IGF1R: variants seen among roughly 807,000 people sequenced by gnomAD.
The protein encoded by IGF1R is insulin-like growth factor 1 receptor.
A neutral mutation model predicts 144.6 loss-of-function variants in IGF1R; 44 were observed. That is an observed-to-expected ratio of 0.30 (90% CI 0.24 to 0.39). The LOEUF is 0.39. Ranked by LOEUF, IGF1R falls within the 10% of genes least tolerant of loss-of-function variation. The pLI, the probability that IGF1R is intolerant of heterozygous loss-of-function variation, is 1.00. For missense variants in IGF1R, 1,355 were observed against 1,833.7 expected (o/e 0.74, Z 4.77); for synonymous variants, 795 against 722.8 (o/e 1.10, Z -1.60).
In IGF1R at chr15:98,957,457, A is replaced by C; in HGVS notation, c.*15A>C. On this transcript the variant is annotated 3_prime_UTR_variant, in exon 21 of 21. Transcript: ENST00000650285. The stretch of plus-strand genomic sequence containing the variant: ...CGACCTGCTGATCCTTGGATCCTGA[A>C]TCTGTGCAAACAGTAACGTGTGCGC... 1 of 1,612,564 alleles carries C rather than the reference A, an allele frequency of 6.2e-7. No individual in the cohort carries two copies. Among genetic ancestry groups the C allele is most frequent in the Non-Finnish European group, 8.5e-7 (1 of 1,179,944 alleles).
At chr15:98,810,840 G>A (rs1365150561) in intron 2 of IGF1R, among the ~76,000 whole-genome samples, 2 of 151,298 alleles carry the variant, frequency 1.3e-5, no homozygotes, top group African/African-American at 4.9e-5. Context: ...GAGCCACCAC[G>A]CCCAGCCTCT....
chr15:98,665,198 A>T (rs1031402179), intron 1 of IGF1R, among the ~76,000 whole-genome samples: 2 of 152,012 alleles, frequency 1.3e-5, no homozygotes, highest in Non-Finnish European at 2.9e-5. Context: ...TGATCCGCCC[A>T]CCTCGGCCTC....
chr15:98,814,859 GGAA>G (rs2141465483), intron 2 of IGF1R, among the ~76,000 whole-genome samples: 1 of 152,264 alleles, frequency 6.6e-6, no homozygotes, highest in Non-Finnish European at 1.5e-5. Context: ...ACTGGAAACA[GGAA>G]GAAGACTTGC....
intron 2 of IGF1R, among the ~76,000 whole-genome samples, chr15:98,721,423 T>TA (rs2054243708): frequency 6.6e-6 from 1 of 152,214 alleles, no homozygotes; most frequent in South Asian, 2.1e-4. Flanking sequence ...GTGGAGGAGA[T>TA]ACTCTGTAAA....
intron 2 of IGF1R, chr15:98,880,612 T>C (rs556889821): frequency 1.3e-5 from 2 of 152,262 alleles, no homozygotes; most frequent in African/African-American, 2.4e-5. Context: ...GGGGATGGCA[T>C]AGAACTAAGT....
intron 2 of IGF1R, among the ~76,000 whole-genome samples, chr15:98,860,253 G>T (rs949640722): frequency 2.0e-5 from 3 of 152,250 alleles, no homozygotes; most frequent in Non-Finnish European, 2.9e-5. Flanking sequence ...AATAAGTCAT[G>T]ATTTTCGGAG....
chr15:98,957,463 G>GCAAA lies in IGF1R; in HGVS notation c.*24_*27dup, dbSNP rs1298784882. Reference sequence around the variant, plus strand: ...GCTGATCCTTGGATCCTGAATCTGTGCAAACAGTAACGTGTGCGCACGCGC... The same window carrying GCAAA: ...GCTGATCCTTGGATCCTGAATCTGTGCAAACAAACAGTAACGTGTGCGCACGCGC... On this transcript the variant is annotated 3_prime_UTR_variant, in exon 21 of 21. Transcript: ENST00000650285. 1 of 1,612,458 alleles carries GCAAA rather than the reference G, an allele frequency of 6.2e-7. No homozygotes were observed.
At chr15:98,922,117 C>G (rs750607538) in intron 10 of IGF1R, 31 bp from the exon 11 acceptor site, 1 of 1,613,650 alleles carries the variant, frequency 6.2e-7, no homozygotes, top group East Asian at 2.2e-5. Flanking sequence ...GGTAAAAGTA[C>G]TTAAAAGCCA....
At chr15:98,702,664 G>T (rs1364166093) in intron 1 of IGF1R, among the ~76,000 whole-genome samples, 1 of 152,192 alleles carries the variant, frequency 6.6e-6, no homozygotes, top group South Asian at 2.1e-4. Context: ...TTTTGGCCAG[G>T]TGTGGTGGTA....
At chr15:98,726,335 C>T (rs1320747835) in intron 2 of IGF1R, among the ~76,000 whole-genome samples, 1 of 152,230 alleles carries the variant, frequency 6.6e-6, no homozygotes, top group Admixed American at 6.5e-5. Flanking sequence ...CTGCTGAACA[C>T]ACACCCAGGG....
chr15:98,671,045 C>T (rs1160872466), intron 1 of IGF1R, among the ~76,000 whole-genome samples: 2 of 152,162 alleles, frequency 1.3e-5, no homozygotes, highest in Non-Finnish European at 2.9e-5. Flanking sequence ...ATAGTAGACT[C>T]CTGTGTGCGG....
At chr15:98,920,182 A>G (rs1232704957) in intron 10 of IGF1R, among the ~76,000 whole-genome samples, 2 of 152,212 alleles carry the variant, frequency 1.3e-5, no homozygotes, top group African/African-American at 2.4e-5. Context: ...GAAAGTTGGC[A>G]GTAATGTTTG....
At chr15:98,910,731 C>G (rs1333197693) in intron 6 of IGF1R, among the ~76,000 whole-genome samples, 1 of 152,192 alleles carries the variant, frequency 6.6e-6, no homozygotes, top group Non-Finnish European at 1.5e-5. Context: ...AGTGCTTAAT[C>G]CAGCCTCCCG....
chr15:98,942,283 A>C (rs2016392574), intron 18 of IGF1R, among the ~76,000 whole-genome samples: 1 of 152,128 alleles, frequency 6.6e-6, no homozygotes, highest in Non-Finnish European at 1.5e-5. Flanking sequence ...TCTCTGCAGT[A>C]CTATATATTT....
In IGF1R at chr15:98,963,882, A is replaced by G. The variant is rs1284128472; in HGVS notation, c.*6440A>G. ...CTCTAACTCCAGTGGATTGTTGGCC[A>G]TGTCTCCCCAACTCCACAATATCTC... is the stretch of plus-strand genomic sequence containing the variant. On this transcript the variant is annotated 3_prime_UTR_variant, in exon 21 of 21. Coordinates refer to ENST00000650285, the MANE Select transcript of IGF1R (RefSeq NM_000875.5). 1 of 233,132 alleles carries G rather than the reference A, an allele frequency of 4.3e-6. No homozygotes were observed. The highest frequency in any genetic ancestry group is 2.2e-5 in the African/African-American group (1 of 45,344). The allele number at this position is 233,132 out of a possible 1,614,324, so 14.4% of individuals were successfully genotyped here. A position where few individuals can be genotyped will look rare whatever the true frequency, so the allele number is the denominator to read the frequency against.
chr15:98,760,633 A>G (rs1488332187), intron 2 of IGF1R, among the ~76,000 whole-genome samples: 1 of 152,124 alleles, frequency 6.6e-6, no homozygotes, highest in African/African-American at 2.4e-5. Flanking sequence ...TGGCTCTTGC[A>G]ACGGGGCGTC....
chr15:98,881,065 C>T (rs946221756), intron 2 of IGF1R, among the ~76,000 whole-genome samples: 4 of 152,152 alleles, frequency 2.6e-5, no homozygotes, highest in African/African-American at 7.2e-5. Context: ...AAAAAAAGTT[C>T]CATTTGCTGG....
At chr15:98,668,094 A>G (rs1301886660) in intron 1 of IGF1R, among the ~76,000 whole-genome samples, 3 of 152,070 alleles carry the variant, frequency 2.0e-5, no homozygotes, top group Non-Finnish European at 4.4e-5. Flanking sequence ...TTAAGGGTCC[A>G]TTTCTTGGCT....
intron 1 of IGF1R, among the ~76,000 whole-genome samples, chr15:98,664,647 C>T (rs1007266650): frequency 1.4e-5 from 2 of 147,130 alleles, no homozygotes; most frequent in African/African-American, 5.1e-5. Context: ...GAGCCAAGAT[C>T]GCGCCACTGC....
Sources: gnomAD v4.1 joint callset for allele counts (sites outside exome capture counted in the v4.1 genomes callset) on GRCh38, gnomAD v4.1.1 for gene constraint, MANE v1.5 for transcripts, NCBI Gene and HGNC (gene_info 2026-07-23, HGNC 2026-07-21) for gene names.